Variants in MSRA observed in about 807,000 individuals in gnomAD.
MSRA encodes mitochondrial peptide methionine sulfoxide reductase.
In MSRA, 54 loss-of-function variants were observed where a neutral mutation model predicts 31.3. The ratio of observed to expected loss-of-function variants is 1.73; its 90% CI spans 1.39 to 2.17. The LOEUF (loss-of-function observed/expected upper bound fraction) is 2.17, where lower values mean the gene tolerates loss of function less well. MSRA is among the 30% of genes most tolerant of loss of function. The pLI is 0.00. For synonymous variants in MSRA, 169 were observed against 116.5 expected (o/e 1.45, Z -2.90); for missense variants, 507 against 300.9 (o/e 1.69, Z -5.07).
chr8:10,420,185 G>A (rs564595899), intron 5 of MSRA, among the ~76,000 whole-genome samples: 1 of 150,408 alleles, frequency 6.6e-6, no homozygotes, highest in East Asian at 1.9e-4. Flanking sequence ...GTCACAAAAA[G>A]ACATACTGTG....
chr8:10,406,204 C>G (rs1399285069), intron 5 of MSRA, among the ~76,000 whole-genome samples: 10 of 152,224 alleles, frequency 6.6e-5, no homozygotes, highest in Non-Finnish European at 1.5e-4. Flanking sequence ...GCAGTGGTCT[C>G]GCAGAAAGTC....
chr8:10,242,929 A>G (rs1014437285), intron 2 of MSRA, among the ~76,000 whole-genome samples: 1 of 151,990 alleles, frequency 6.6e-6, no homozygotes, highest in Non-Finnish European at 1.5e-5. Flanking sequence ...GGCACCCCAG[A>G]CCCTTGCCCA....
At chr8:10,097,379 A>G (rs1448266650) in intron 1 of MSRA, among the ~76,000 whole-genome samples, 2 of 152,198 alleles carry the variant, frequency 1.3e-5, no homozygotes, top group South Asian at 2.1e-4. Flanking sequence ...ACGCCAAGAC[A>G]TGAAAGACAT....
intron 1 of MSRA, among the ~76,000 whole-genome samples, chr8:10,086,271 C>T (rs571638431): frequency 2.0e-5 from 3 of 152,136 alleles, no homozygotes; most frequent in Non-Finnish European, 4.4e-5. Context: ...CTTGGGTTTT[C>T]AGGTTGAGCA....
intron 5 of MSRA, among the ~76,000 whole-genome samples, chr8:10,356,421 C>T (rs1307651037): frequency 6.6e-6 from 1 of 152,210 alleles, no homozygotes; most frequent in Admixed American, 6.5e-5. Context: ...ATCTGCCCCA[C>T]CCCAGTTACA....
intron 1 of MSRA, among the ~76,000 whole-genome samples, chr8:10,057,712 C>T (rs751858301): frequency 1.3e-4 from 20 of 152,214 alleles, no homozygotes; most frequent in African/African-American, 2.6e-4. Flanking sequence ...GTGTAGCTTG[C>T]CCCTTTGCGC....
chr8:10,240,563 C>T (rs1343792390), intron 2 of MSRA, among the ~76,000 whole-genome samples: 1 of 152,168 alleles, frequency 6.6e-6, no homozygotes, highest in Non-Finnish European at 1.5e-5. Flanking sequence ...CACATGTCCA[C>T]CTATGTCTCT....
intron 1 of MSRA, among the ~76,000 whole-genome samples, chr8:10,201,555 C>T (rs1015249447): frequency 5.3e-5 from 8 of 152,266 alleles, no homozygotes; most frequent in South Asian, 2.1e-4. Flanking sequence ...GGGAGCTCAT[C>T]CCTGATTGGT....
At chr8:10,253,435 CT>C (rs560044659) in intron 3 of MSRA, among the ~76,000 whole-genome samples, 50 of 152,116 alleles carry the variant, frequency 3.3e-4, no homozygotes, top group Non-Finnish European at 6.3e-4. Context: ...GACTGACAGA[CT>C]TTAAGTAGTT....
At chr8:10,089,138 CCACACACACACA>C (rs10566550) in intron 1 of MSRA, among the ~76,000 whole-genome samples, 7 of 150,108 alleles carry the variant, frequency 4.7e-5, no homozygotes, top group African/African-American at 1.7e-4. Context: ...TGCTTTTGTC[CCACACACACACA>C]CACACACACA....
At chr8:10,365,086 A>G (rs1230350669) in intron 5 of MSRA, among the ~76,000 whole-genome samples, 2 of 150,276 alleles carry the variant, frequency 1.3e-5, no homozygotes, top group African/African-American at 2.5e-5. Context: ...AAGCAAAATT[A>G]GAAGCTTTTC....
chr8:10,279,459 C>T (rs1010973705), intron 3 of MSRA, among the ~76,000 whole-genome samples: 3 of 152,148 alleles, frequency 2.0e-5, no homozygotes, highest in Admixed American at 1.3e-4. Context: ...ATCTTTGGGG[C>T]AGCGTTTTCT....
intron 2 of MSRA, among the ~76,000 whole-genome samples, chr8:10,242,423 T>G (rs1038745209): frequency 6.6e-6 from 1 of 152,116 alleles, no homozygotes; most frequent in African/African-American, 2.4e-5. Flanking sequence ...GCTATAAGGT[T>G]TCTGTTGGGA....
At chr8:10,158,155 C>T (rs1417153985) in intron 1 of MSRA, among the ~76,000 whole-genome samples, 2 of 152,210 alleles carry the variant, frequency 1.3e-5, no homozygotes, top group Non-Finnish European at 2.9e-5. Context: ...GGGCCCCATC[C>T]TCATGACTGA....
chr8:10,287,873 A>C (rs78213044), intron 3 of MSRA, among the ~76,000 whole-genome samples: 23,219 of 151,986 alleles, frequency 0.15, 2,096 homozygotes, highest in African/African-American at 0.25. Context: ...GAACTCTGAG[A>C]CTACCCTTCT....
chr8:10,107,095 A>G (rs1020535988), intron 1 of MSRA, among the ~76,000 whole-genome samples: 1 of 152,182 alleles, frequency 6.6e-6, no homozygotes, highest in Non-Finnish European at 1.5e-5. Flanking sequence ...CTGATGATAC[A>G]GTGGTGAAGG....
At chr8:10,371,575 A>G (rs1211096382) in intron 5 of MSRA, among the ~76,000 whole-genome samples, 2 of 152,172 alleles carry the variant, frequency 1.3e-5, no homozygotes, top group East Asian at 3.9e-4. Context: ...GACATTGGTC[A>G]TCAAGCAGAG....
intron 1 of MSRA, among the ~76,000 whole-genome samples, chr8:10,159,076 TTACCAGA>T (rs1381821097): frequency 6.6e-6 from 1 of 152,210 alleles, no homozygotes; most frequent in African/African-American, 2.4e-5. Context: ...TGCAGGCAGA[TTACCAGA>T]TACCAGATGA....
At chr8:10,222,718 A>G (rs1181180730) in intron 2 of MSRA, among the ~76,000 whole-genome samples, 1 of 152,236 alleles carries the variant, frequency 6.6e-6, no homozygotes, top group Non-Finnish European at 1.5e-5. Flanking sequence ...CATTATGCTA[A>G]ATGAAATAAG....
Sources: gnomAD v4.1 joint callset for allele counts (sites outside exome capture counted in the v4.1 genomes callset) on GRCh38, gnomAD v4.1.1 for gene constraint, MANE v1.5 for transcripts, NCBI Gene and HGNC (gene_info 2026-07-23, HGNC 2026-07-21) for gene names.